CCDC178: variants seen among roughly 807,000 people sequenced by gnomAD.
The protein encoded by CCDC178 is coiled-coil domain containing 178.
In CCDC178, 126 loss-of-function variants were observed where a neutral mutation model predicts 117.4. The ratio of observed to expected loss-of-function variants is 1.07; its 90% CI spans 0.93 to 1.24. The LOEUF (loss-of-function observed/expected upper bound fraction) is 1.24. Ranked by LOEUF, CCDC178 falls within the 50% of genes most tolerant of loss-of-function variation. CCDC178 has a pLI of 0.00. For missense variants in CCDC178, 1,030 were observed against 986.9 expected, an observed-to-expected ratio of 1.04 and a Z score of -0.59; for synonymous variants, 283 against 313.4, an observed-to-expected ratio of 0.90 and a Z score of 1.02.
At chr18:33,126,180 G>C (rs1450307716) in intron 20 of CCDC178, among the ~76,000 whole-genome samples, 2 of 152,008 alleles carry the variant, frequency 1.3e-5, no homozygotes, top group East Asian at 3.9e-4. Flanking sequence ...GGTGTCCGTA[G>C]ACATGGATGG....
chr18:33,038,843 G>A (rs1469397535), intron 21 of CCDC178, among the ~76,000 whole-genome samples: 1 of 151,910 alleles, frequency 6.6e-6, no homozygotes. Context: ...CATCCTTTTT[G>A]TAGGAAAACT....
chr18:33,029,954 T>C (rs2144855782), intron 21 of CCDC178, among the ~76,000 whole-genome samples: 1 of 152,136 alleles, frequency 6.6e-6, no homozygotes, highest in Non-Finnish European at 1.5e-5. Context: ...CTGCTGGGTT[T>C]GGATGGAGTA....
intron 20 of CCDC178, among the ~76,000 whole-genome samples, chr18:33,179,131 CTA>C (rs1393773242): frequency 9.1e-5 from 5 of 54,688 alleles, no homozygotes; most frequent in South Asian, 6.0e-4. Flanking sequence ...TATATATAAA[CTA>C]TATATATATA....
chr18:33,207,676 A>T (rs1386525879), intron 20 of CCDC178, among the ~76,000 whole-genome samples: 2 of 152,016 alleles, frequency 1.3e-5, no homozygotes, highest in African/African-American at 4.8e-5. Context: ...AGTTAAAAAA[A>T]TAAAAGCTAA....
chr18:33,379,150 A>ATTATATATATATTTCCATATATATATATT (rs1491476910), intron 5 of CCDC178, among the ~76,000 whole-genome samples: 1 of 114,608 alleles, frequency 8.7e-6, no homozygotes, highest in African/African-American at 3.2e-5. Context: ...ATATATATAT[A>ATTATATATATATTTCCATATATATATATT]ATATATATAT....
chr18:33,418,764 C>T (rs575308210), intron 2 of CCDC178, among the ~76,000 whole-genome samples: 1 of 152,138 alleles, frequency 6.6e-6, no homozygotes, highest in East Asian at 1.9e-4. Flanking sequence ...AAAACATTAC[C>T]TAGGAATACA....
At chr18:33,346,558 T>G in intron 8 of CCDC178, 147 bp from the exon 9 acceptor site, 1 of 394,280 alleles carries the variant, frequency 2.5e-6, no homozygotes, top group East Asian at 4.0e-5. Context: ...AAAAAAGTTT[T>G]ATTATAATAC....
chr18:32,997,938 C>T (rs2055550742), intron 21 of CCDC178, among the ~76,000 whole-genome samples: 1 of 152,182 alleles, frequency 6.6e-6, no homozygotes, highest in Non-Finnish European at 1.5e-5. Flanking sequence ...AATAGAAACC[C>T]TCACTGATTG....
At chr18:33,214,444 A>G (rs941429575) in intron 19 of CCDC178, among the ~76,000 whole-genome samples, 3 of 152,124 alleles carry the variant, frequency 2.0e-5, no homozygotes, top group South Asian at 2.1e-4. Flanking sequence ...CTCTTGTCTG[A>G]AAGGCCATAT....
chr18:33,338,614 C>T (rs1171472407), intron 9 of CCDC178, among the ~76,000 whole-genome samples: 3 of 152,016 alleles, frequency 2.0e-5, no homozygotes, highest in Non-Finnish European at 4.4e-5. Flanking sequence ...AGTGGAATTG[C>T]TGACTATTAT....
intron 12 of CCDC178, among the ~76,000 whole-genome samples, chr18:33,286,839 T>C (rs1269183257): frequency 1.3e-5 from 2 of 152,204 alleles, no homozygotes; most frequent in African/African-American, 2.4e-5. Flanking sequence ...AAATCAGATA[T>C]AAATGCCTTT....
At chr18:32,966,199 C>T (rs1013593114) in intron 22 of CCDC178, among the ~76,000 whole-genome samples, 1 of 151,624 alleles carries the variant, frequency 6.6e-6, no homozygotes, top group South Asian at 2.1e-4. Context: ...AGTGAATAGT[C>T]CATCTCATCA....
intron 21 of CCDC178, among the ~76,000 whole-genome samples, chr18:33,087,102 C>T (rs1305917497): frequency 6.6e-6 from 1 of 151,860 alleles, no homozygotes; most frequent in Non-Finnish European, 1.5e-5. Context: ...AGTCCATCAT[C>T]ACACTCAATA....
chr18:33,140,057 C>G (rs1169427040), intron 20 of CCDC178, among the ~76,000 whole-genome samples: 1 of 152,170 alleles, frequency 6.6e-6, no homozygotes, highest in African/African-American at 2.4e-5. Flanking sequence ...AGCCTCAAGC[C>G]TTGGCAGCTT....
chr18:33,181,294 A>G (rs2058730215), intron 20 of CCDC178, among the ~76,000 whole-genome samples: 1 of 151,968 alleles, frequency 6.6e-6, no homozygotes, highest in Admixed American at 6.6e-5. Context: ...CTGAATACAC[A>G]AGAGGAGTGC....
At chr18:33,393,642 A>G (rs533151636) in intron 4 of CCDC178, among the ~76,000 whole-genome samples, 29 of 152,266 alleles carry the variant, frequency 1.9e-4, no homozygotes, top group African/African-American at 7.0e-4. Context: ...GAGATTCACC[A>G]ATGCTACTCC....
At chr18:33,336,604 T>A (rs1347401535) in intron 9 of CCDC178, among the ~76,000 whole-genome samples, 1 of 152,090 alleles carries the variant, frequency 6.6e-6, no homozygotes. Context: ...TTCTCAAAAC[T>A]CAATGAATAA....
At chr18:33,126,713 C>T (rs559404121) in intron 20 of CCDC178, among the ~76,000 whole-genome samples, 1 of 152,000 alleles carries the variant, frequency 6.6e-6, no homozygotes, top group South Asian at 2.1e-4. Context: ...GGCTGCAGTG[C>T]AGTGGCGCCA....
chr18:33,223,471 G>A (rs906381875), intron 17 of CCDC178, among the ~76,000 whole-genome samples: 19 of 151,958 alleles, frequency 1.3e-4, no homozygotes, highest in African/African-American at 4.1e-4. Context: ...AGCTTACATA[G>A]AAAGTATGAA....
Sources: allele counts gnomAD v4.1 joint callset (sites outside exome capture counted in the v4.1 genomes callset), GRCh38; gene constraint gnomAD v4.1.1; transcripts MANE v1.5; gene names NCBI Gene and HGNC (gene_info 2026-07-23, HGNC 2026-07-21).